Variants in RGS6 observed in about 807,000 individuals in gnomAD.
RGS6 encodes regulator of G protein signaling 6.
In RGS6, 30 loss-of-function variants were observed where a neutral mutation model predicts 78.5. The observed-to-expected ratio is 0.38, with a 90% confidence interval of 0.29 to 0.52. The LOEUF (loss-of-function observed/expected upper bound fraction) is 0.52. Ranked by LOEUF, RGS6 falls within the 20% of genes least tolerant of loss-of-function variation. The pLI is 0.85. For missense variants in RGS6, 495 were observed against 609.7 expected, an observed-to-expected ratio of 0.81 and a Z score of 1.98; for synonymous variants, 206 against 206.0, an observed-to-expected ratio of 1.00 and a Z score of 0.00.
chr14:72,286,502 G>T (rs966161090), intron 2 of RGS6, among the ~76,000 whole-genome samples: 1 of 149,314 alleles, frequency 6.7e-6, no homozygotes, highest in Non-Finnish European at 1.5e-5. Context: ...GGTCTTTTGT[G>T]GTTCCATGAG....
chr14:72,268,679 C>T lies in RGS6; in HGVS notation c.85-83416C>T, dbSNP rs145979056. 2.2e-3 allele frequency among the ~76,000 whole-genome samples: 333 copies of T among 152,328 alleles called. 1 individual carries two copies. Among genetic ancestry groups the T allele is most frequent in the Middle Eastern group, 0.02 (6 of 294 alleles). ...ACTTTGCAGCAGTGATTCATCCACC[C>T]TGTGCTGGGAGAGAGAAAGAGACTT... On this transcript the variant is annotated intron_variant, in intron 2 of 17. Coordinates refer to ENST00000553525, the MANE Select transcript of RGS6 (RefSeq NM_001204424.2).
chr14:72,432,704 A>G (rs1469372491), intron 3 of RGS6, among the ~76,000 whole-genome samples: 2 of 152,366 alleles, frequency 1.3e-5, no homozygotes, highest in South Asian at 2.1e-4. Context: ...CAGCTAAAGC[A>G]TCTCTGCTTC....
intron 3 of RGS6, among the ~76,000 whole-genome samples, chr14:72,407,418 A>G (rs1304270391): frequency 6.6e-6 from 1 of 152,212 alleles, no homozygotes; most frequent in African/African-American, 2.4e-5. Context: ...CTTTCTAATG[A>G]GTGCTACGTG....
the RGS6 span, among the ~76,000 whole-genome samples, chr14:71,869,302 T>C: frequency 9.6e-4 from 147 of 152,334 alleles, no homozygotes; most frequent in African/African-American, 3.3e-3. Flanking sequence ...AGGTTTCTTA[T>C]CTGCATTATA....
chr14:72,495,161 C>T lies in RGS6; in HGVS notation c.864C>T (p.Ala288=). 5 of 1,609,260 alleles carry T rather than the reference C, an allele frequency of 3.1e-6. No individual in the cohort carries two copies. Among genetic ancestry groups the T allele is most frequent in the Non-Finnish European group, 4.3e-6 (5 of 1,175,658 alleles). The change falls in exon 13 of 18, where the codon GCC becomes GCT. Residue 288 remains alanine, a synonymous_variant. Coordinates refer to ENST00000553525, the MANE Select transcript of RGS6 (RefSeq NM_001204424.2). The part of the protein sequence containing the change: ...KMSKVAESLI[A]YTEQYVEYDP... ...TGCCTCCCTCCTGCAGTTTAATTGCCTACACGGAACAATATGTGGAATATG... is the reference window on the plus strand; with the variant it reads ...TGCCTCCCTCCTGCAGTTTAATTGCTTACACGGAACAATATGTGGAATATG...
Position 72,495,205 on chromosome 14 carries a change from C to T in RGS6, c.908C>T (p.Ala303Val), listed in dbSNP as rs2096628627. The T allele has an allele frequency of 5.0e-6, 8 of 1,613,766 alleles. No individual in the cohort carries two copies. Among genetic ancestry groups the T allele is most frequent in the Non-Finnish European group, 6.8e-6 (8 of 1,179,720 alleles). The change falls in exon 13 of 18, where the codon GCT becomes GTT. Residue 303 changes from alanine to valine, a missense_variant. By Grantham distance (64) the Ala-to-Val change is moderately conservative. Coordinates refer to ENST00000553525, the MANE Select transcript of RGS6 (RefSeq NM_001204424.2). Reference sequence around the variant, plus strand: ...GAATATGACCCTTTGATAACACCAGCTGAGCCATCCAACCCTTGGATCAGC... The same window carrying T: ...GAATATGACCCTTTGATAACACCAGTTGAGCCATCCAACCCTTGGATCAGC... ...YVEYDPLITP[A>V]EPSNPWISDD...
intron 1 of RGS6, among the ~76,000 whole-genome samples, chr14:71,948,346 T>A (rs1033314081): frequency 6.6e-6 from 1 of 152,152 alleles, no homozygotes; most frequent in Non-Finnish European, 1.5e-5. Context: ...GCCAGGACAG[T>A]CCACAGTGGT....
chr14:72,126,912 A>G (rs2096207927), intron 2 of RGS6, among the ~76,000 whole-genome samples: 1 of 152,038 alleles, frequency 6.6e-6, no homozygotes, highest in African/African-American at 2.4e-5. Context: ...ACATCCCATC[A>G]TCATCTCTCA....
chr14:71,938,066 T>C (rs778861418), intron 1 of RGS6, among the ~76,000 whole-genome samples: 1 of 152,186 alleles, frequency 6.6e-6, no homozygotes, highest in Non-Finnish European at 1.5e-5. Flanking sequence ...GACGGGTGGC[T>C]GGGGAAAGAG....
chr14:72,418,567 C>A (rs1331490779), intron 3 of RGS6, among the ~76,000 whole-genome samples: 1 of 152,126 alleles, frequency 6.6e-6, no homozygotes, highest in Non-Finnish European at 1.5e-5. Flanking sequence ...TTCTCTGAAA[C>A]AATAGGACAG....
At chr14:72,418,198 A>T (rs1307741344) in intron 3 of RGS6, among the ~76,000 whole-genome samples, 1 of 149,894 alleles carries the variant, frequency 6.7e-6, no homozygotes, top group East Asian at 2.0e-4. Context: ...CCTGAATCTC[A>T]CTCTGTTGCC....
At chr14:71,924,058 GT>G in the RGS6 span, among the ~76,000 whole-genome samples, 3 of 152,086 alleles carry the variant, frequency 2.0e-5, no homozygotes, top group Non-Finnish European at 4.4e-5. Context: ...ATTCATTTAT[GT>G]TTTGAGACAG....
intron 3 of RGS6, among the ~76,000 whole-genome samples, chr14:72,403,594 G>A (rs1324168172): frequency 3.3e-5 from 5 of 152,180 alleles, no homozygotes; most frequent in South Asian, 2.1e-4. Context: ...TAGAATAGAA[G>A]ATTTTGAATG....
At chr14:72,170,776 G>A (rs2097002028) in intron 2 of RGS6, among the ~76,000 whole-genome samples, 1 of 152,164 alleles carries the variant, frequency 6.6e-6, no homozygotes, top group African/African-American at 2.4e-5. Flanking sequence ...CCTATGACAG[G>A]TACAGAAAAG....
At chr14:72,474,590 G>A (rs534986546) in intron 9 of RGS6, 35 bp from the exon 10 acceptor site, 28 of 1,576,648 alleles carry the variant, frequency 1.8e-5, no homozygotes, top group South Asian at 1.3e-4. Context: ...TAATTTTCAC[G>A]TAGTAATTTA....
the RGS6 span, among the ~76,000 whole-genome samples, chr14:72,581,317 C>T: frequency 6.6e-6 from 1 of 152,134 alleles, no homozygotes; most frequent in Non-Finnish European, 1.5e-5. Flanking sequence ...TTTTTTCCCT[C>T]ATCTGCCTCC....
intron 2 of RGS6, among the ~76,000 whole-genome samples, chr14:72,139,105 C>A (rs992074952): frequency 6.6e-6 from 1 of 152,136 alleles, no homozygotes; most frequent in African/African-American, 2.4e-5. Flanking sequence ...CAATCGAATG[C>A]CTTCATTCTG....
chr14:71,901,187 A>G, the RGS6 span, among the ~76,000 whole-genome samples: 126,373 of 152,134 alleles, frequency 0.83, 52,691 homozygotes, highest in African/African-American at 0.85. Flanking sequence ...ATTTGAGCCG[A>G]TTCTATGGTC....
At chr14:72,537,716 AAAGT>A in intron 16 of RGS6, 1 of 606,384 alleles carries the variant, frequency 1.6e-6, no homozygotes, top group Non-Finnish European at 2.9e-6. Flanking sequence ...GATGAAGGTC[AAAGT>A]AAGTTTTTCT....
Sources: allele counts gnomAD v4.1 joint callset (sites outside exome capture counted in the v4.1 genomes callset), GRCh38; gene constraint gnomAD v4.1.1; transcripts MANE v1.5; gene names NCBI Gene and HGNC (gene_info 2026-07-23, HGNC 2026-07-21).